PDE10A: variants seen among roughly 807,000 people sequenced by gnomAD.
PDE10A encodes the protein phosphodiesterase 10A.
In PDE10A, 39 loss-of-function variants were observed where a neutral mutation model predicts 97.7. The ratio of observed to expected loss-of-function variants is 0.40; its 90% CI spans 0.31 to 0.52. The LOEUF (loss-of-function observed/expected upper bound fraction) is 0.52, where lower values mean the gene tolerates loss of function less well. Among genes scored for constraint, PDE10A ranks in the 20% least tolerant of loss-of-function variants. The probability of loss-of-function intolerance (pLI) is 0.56; values close to 1 mark genes in which losing one functional copy is unlikely to be tolerated. For synonymous variants in PDE10A, 371 were observed against 376.8 expected, an observed-to-expected ratio of 0.98 and a Z score of 0.18; for missense variants, 731 against 1,047.8, an observed-to-expected ratio of 0.70 and a Z score of 4.17.
intron 1 of PDE10A, among the ~76,000 whole-genome samples, chr6:165,594,694 A>C (rs1368211267): frequency 6.6e-6 from 1 of 152,214 alleles, no homozygotes; most frequent in Non-Finnish European, 1.5e-5. Flanking sequence ...TATTATATTC[A>C]CAAGATCTCA....
At chr6:165,403,706 T>G (rs752690674) in intron 13 of PDE10A, among the ~76,000 whole-genome samples, 1 of 152,170 alleles carries the variant, frequency 6.6e-6, no homozygotes, top group Non-Finnish European at 1.5e-5. Flanking sequence ...AGTCCTAAAA[T>G]CAAATACATA....
At chr6:165,576,306 T>G (rs556692258) in intron 1 of PDE10A, 188 of 706,506 alleles carry the variant, frequency 2.7e-4, no homozygotes, top group Non-Finnish European at 3.4e-4. Flanking sequence ...TTGATAATTT[T>G]AATGAATTGG....
At chr6:165,334,693 T>G (rs1781546292) in intron 21 of PDE10A, among the ~76,000 whole-genome samples, 2 of 152,224 alleles carry the variant, frequency 1.3e-5, no homozygotes, top group South Asian at 4.1e-4. Context: ...TTGCCCATTA[T>G]GACTTAGGCC....
At chr6:165,785,555 T>A (rs1778469478) in intron 1 of PDE10A, among the ~76,000 whole-genome samples, 1 of 152,208 alleles carries the variant, frequency 6.6e-6, no homozygotes, top group Non-Finnish European at 1.5e-5. Flanking sequence ...TTAAACCAAA[T>A]TCGTATCCAC....
intron 1 of PDE10A, among the ~76,000 whole-genome samples, chr6:165,960,999 C>T (rs539881904): frequency 7.2e-5 from 11 of 152,064 alleles, no homozygotes; most frequent in Admixed American, 1.3e-4. Context: ...TGTGGCAGAA[C>T]GCATAAGGGG....
At chr6:165,630,096 C>A (rs1366101930) in intron 1 of PDE10A, among the ~76,000 whole-genome samples, 1 of 152,046 alleles carries the variant, frequency 6.6e-6, no homozygotes, top group African/African-American at 2.4e-5. Context: ...GCCTGTAATC[C>A]CAGCACTTTG....
At chr6:165,587,841 A>C (rs1786006127) in intron 1 of PDE10A, among the ~76,000 whole-genome samples, 2 of 152,216 alleles carry the variant, frequency 1.3e-5, no homozygotes, top group Non-Finnish European at 2.9e-5. Flanking sequence ...AAATGAGGTT[A>C]AACACCTCAT....
chr6:165,437,364 TAGTC>T (rs532060899), intron 5 of PDE10A, among the ~76,000 whole-genome samples: 3 of 152,180 alleles, frequency 2.0e-5, no homozygotes, highest in Non-Finnish European at 4.4e-5. Context: ...GATGATCATA[TAGTC>T]AGTATTATAA....
At chr6:165,745,589 A>G (rs944241712) in intron 1 of PDE10A, among the ~76,000 whole-genome samples, 7 of 152,248 alleles carry the variant, frequency 4.6e-5, no homozygotes, top group African/African-American at 1.7e-4. Flanking sequence ...TTATCATTAA[A>G]TGTTTTATTT....
intron 18 of PDE10A, among the ~76,000 whole-genome samples, chr6:165,369,937 A>T: frequency 6.6e-6 from 1 of 152,098 alleles, no homozygotes; most frequent in Admixed American, 6.5e-5. Context: ...CATTCTTAAA[A>T]GAAAAGAATT....
chr6:165,440,818 C>T (rs917852775), intron 5 of PDE10A, among the ~76,000 whole-genome samples: 9 of 151,076 alleles, frequency 6.0e-5, no homozygotes, highest in African/African-American at 2.2e-4. Flanking sequence ...TATATATATA[C>T]AATAAATTTA....
At chr6:165,847,435 C>A (rs1780450331) in intron 1 of PDE10A, among the ~76,000 whole-genome samples, 1 of 152,260 alleles carries the variant, frequency 6.6e-6, no homozygotes, top group Non-Finnish European at 1.5e-5. Context: ...AGGACACAGA[C>A]AACGCTTCCA....
chr6:165,692,620 G>A (rs1441888623), intron 1 of PDE10A, among the ~76,000 whole-genome samples: 2 of 152,164 alleles, frequency 1.3e-5, no homozygotes, highest in South Asian at 2.1e-4. Flanking sequence ...AATATATCAA[G>A]AGAAGAGTTT....
At chr6:165,457,802 T>G (rs1420254405) in intron 3 of PDE10A, among the ~76,000 whole-genome samples, 2 of 152,150 alleles carry the variant, frequency 1.3e-5, no homozygotes, top group Non-Finnish European at 2.9e-5. Context: ...GAAAGAAAAG[T>G]AAAAGCTAGT....
At chr6:165,394,010 T>C (rs1013207877) in intron 15 of PDE10A, among the ~76,000 whole-genome samples, 2 of 152,132 alleles carry the variant, frequency 1.3e-5, no homozygotes, top group Admixed American at 6.6e-5. Context: ...AATAGATATA[T>C]GATGTTAGGT....
At chr6:165,682,014 C>T (rs550420194) in intron 1 of PDE10A, among the ~76,000 whole-genome samples, 3 of 152,344 alleles carry the variant, frequency 2.0e-5, no homozygotes, top group South Asian at 2.1e-4. Context: ...CTATCGTGAA[C>T]GCCCTCTAAG....
chr6:165,883,130 G>A (rs1255072048), intron 1 of PDE10A, among the ~76,000 whole-genome samples: 1 of 152,224 alleles, frequency 6.6e-6, no homozygotes, highest in African/African-American at 2.4e-5. Flanking sequence ...CAGCTACTCA[G>A]GAGGCTGAGA....
chr6:165,711,474 C>T lies in PDE10A; in HGVS notation c.-614-167906G>A, dbSNP rs980758853. Among the ~76,000 whole-genome samples, 9 of 152,106 alleles carry T rather than the reference C, an allele frequency of 5.9e-5. No homozygotes were observed. Among genetic ancestry groups the T allele is most frequent in the South Asian group, 2.1e-4 (1 of 4,822 alleles). ...TTCTGGTCTTGTCTGGTGGACTCTG[C>T]GAGTTAGCTGTCTGGAGAGGGCCTT... On this transcript the variant is annotated intron_variant, in intron 1 of 19. Coordinates refer to the PDE10A transcript ENST00000366882. The surrounding 1 kb of genome is among the most constrained non-coding windows in gnomAD (Gnocchi z 4.5).
chr6:165,552,650 T>C (rs1466035048), intron 1 of PDE10A, among the ~76,000 whole-genome samples: 1 of 152,152 alleles, frequency 6.6e-6, no homozygotes, highest in African/African-American at 2.4e-5. Context: ...CGGAAGCCTG[T>C]GCCAAGTCTC....
Sources: allele counts gnomAD v4.1 joint callset (sites outside exome capture counted in the v4.1 genomes callset), GRCh38; gene constraint gnomAD v4.1.1; non-coding constraint Gnocchi (gnomAD v3.1); transcripts MANE v1.5; gene names NCBI Gene and HGNC (gene_info 2026-07-23, HGNC 2026-07-21).